The following STXBP4 variants were observed in gnomAD, a reference collection of about 807,000 sequenced individuals.
The protein encoded by STXBP4 is syntaxin-binding protein 4.
STXBP4 carries 55 observed loss-of-function variants against 76.1 expected under a neutral mutation model. The ratio of observed to expected loss-of-function variants is 0.72; its 90% CI spans 0.58 to 0.91. STXBP4 has a LOEUF of 0.91. Among genes scored for constraint, STXBP4 ranks in the 40% least tolerant of loss-of-function variants. The pLI is 0.00. For missense variants in STXBP4, 618 were observed against 636.9 expected, an observed-to-expected ratio of 0.97 and a Z score of 0.32; for synonymous variants, 201 against 220.2, an observed-to-expected ratio of 0.91 and a Z score of 0.77.
intron 1 of STXBP4, among the ~76,000 whole-genome samples, chr17:54,984,059 C>G (rs185555598): frequency 6.6e-6 from 1 of 152,064 alleles, no homozygotes; most frequent in Non-Finnish European, 1.5e-5. Context: ...TCCACTGTTC[C>G]TGTTGCTTGC....
rs761550214 is a variant in STXBP4, at chr17:55,000,791, C to G, written c.499-17C>G. On this transcript the variant is annotated splice_polypyrimidine_tract_variant and intron_variant, in intron 6 of 17. Coordinates refer to ENST00000376352, the MANE Select transcript of STXBP4 (RefSeq NM_178509.6). ...CTTTAGTAAATGACATTGCATGTTC[C>G]TCATTTTCTTTCACAGATAAAAACT... is the stretch of plus-strand genomic sequence containing the variant. 1.3e-6 allele frequency: 2 copies of G among 1,549,960 alleles called. No homozygotes were observed. Among genetic ancestry groups the G allele is most frequent in the East Asian group, 4.5e-5 (2 of 44,362 alleles).
At chr17:55,085,238 T>C (rs1748951463) in intron 16 of STXBP4, among the ~76,000 whole-genome samples, 2 of 151,852 alleles carry the variant, frequency 1.3e-5, no homozygotes, top group Admixed American at 1.3e-4. Context: ...GGGATGGCAG[T>C]GGGAGATATA....
At chr17:55,052,496 T>G (rs2078871023) in intron 12 of STXBP4, among the ~76,000 whole-genome samples, 1 of 152,178 alleles carries the variant, frequency 6.6e-6, no homozygotes, top group African/African-American at 2.4e-5. Flanking sequence ...GAGAAGCTGC[T>G]AGATTTGGAA....
At chr17:55,146,999 C>A (rs185520042) in intron 17 of STXBP4, among the ~76,000 whole-genome samples, 1 of 152,274 alleles carries the variant, frequency 6.6e-6, no homozygotes, top group East Asian at 1.9e-4. Flanking sequence ...GAGGCGCCTA[C>A]CTAAAAGTAT....
the STXBP4 span, among the ~76,000 whole-genome samples, chr17:55,191,717 G>A: frequency 2.0e-5 from 3 of 152,026 alleles, no homozygotes; most frequent in Non-Finnish European, 4.4e-5. Flanking sequence ...GGTGTTCTCC[G>A]ATACCAACAA....
At chr17:54,976,018 T>G (rs8078550) in intron 1 of STXBP4, among the ~76,000 whole-genome samples, 42,628 of 152,040 alleles carry the variant, frequency 0.28, 6,232 homozygotes, top group African/African-American at 0.35. Context: ...TTTATTGTTT[T>G]TCTCCCACCA....
chr17:55,141,499 T>A, intron 17 of STXBP4, 132 bp downstream of exon 17: 2 of 635,996 alleles, frequency 3.1e-6, no homozygotes, highest in Non-Finnish European at 5.1e-6. Flanking sequence ...AAATGAAGCC[T>A]CACCATTTTC....
intron 8 of STXBP4, among the ~76,000 whole-genome samples, chr17:55,026,724 C>G (rs1405281639): frequency 6.6e-6 from 1 of 152,174 alleles, no homozygotes; most frequent in Non-Finnish European, 1.5e-5. Flanking sequence ...TTCTATATTA[C>G]AGGGGACTTT....
At chr17:55,094,995 C>T (rs1176310741) in intron 16 of STXBP4, among the ~76,000 whole-genome samples, 2 of 152,068 alleles carry the variant, frequency 1.3e-5, no homozygotes, top group Non-Finnish European at 1.5e-5. Context: ...AATCACATAC[C>T]GATAGCATTA....
the STXBP4 span, among the ~76,000 whole-genome samples, chr17:55,179,596 A>G: frequency 3.3e-5 from 5 of 152,140 alleles, no homozygotes. Flanking sequence ...TCTGCTACCC[A>G]TGAGATAGCA....
chr17:55,154,854 C>A (rs1762922025), intron 17 of STXBP4, among the ~76,000 whole-genome samples: 1 of 151,674 alleles, frequency 6.6e-6, no homozygotes, highest in African/African-American at 2.4e-5. Flanking sequence ...ATAGCTCAGA[C>A]CTAAATATTT....
chr17:55,024,775 A>G (rs9916439), intron 8 of STXBP4, among the ~76,000 whole-genome samples: 7,606 of 152,168 alleles, frequency 0.05, 569 homozygotes, highest in African/African-American at 0.17. Flanking sequence ...GAGGAATACT[A>G]TATGGTAAGG....
intron 3 of STXBP4, among the ~76,000 whole-genome samples, chr17:54,987,705 A>G (rs2077646645): frequency 6.6e-6 from 1 of 152,200 alleles, no homozygotes; most frequent in Non-Finnish European, 1.5e-5. Flanking sequence ...TTTTTGCCAG[A>G]GTATCTTTGG....
intron 12 of STXBP4, among the ~76,000 whole-genome samples, chr17:55,055,336 A>T (rs1047582444): frequency 9.2e-5 from 14 of 152,134 alleles, no homozygotes; most frequent in African/African-American, 3.4e-4. Flanking sequence ...GTCTCCACGT[A>T]TAATCTGACC....
chr17:55,140,389 G>A (rs1909416349), intron 16 of STXBP4, among the ~76,000 whole-genome samples: 1 of 152,142 alleles, frequency 6.6e-6, no homozygotes. Flanking sequence ...GGAAGTCAAT[G>A]ATTTGTTGTT....
In STXBP4 at chr17:55,094,624, G is replaced by A. The variant is rs73323293; in HGVS notation, c.1489+13441G>A. Among the ~76,000 whole-genome samples, 1,266 of 152,176 alleles carry A rather than the reference G, an allele frequency of 8.3e-3. 16 individuals carry two copies. Among genetic ancestry groups the A allele is most frequent in the African/African-American group, 0.03 (1,227 of 41,528 alleles). ...TGTTTCAATGAGTAAAAAAAAGTCCGGTAGCACAGACAGATCTGCTGTCAT... is the reference window on the plus strand; with the variant it reads ...TGTTTCAATGAGTAAAAAAAAGTCCAGTAGCACAGACAGATCTGCTGTCAT... On this transcript the variant is annotated intron_variant, in intron 16 of 17. Transcript: ENST00000376352.
chr17:54,989,918 A>T (rs1401725078), intron 3 of STXBP4, among the ~76,000 whole-genome samples: 2 of 152,342 alleles, frequency 1.3e-5, no homozygotes, highest in East Asian at 3.8e-4. Context: ...TTGAGATTCA[A>T]ATGGAAGTCA....
intron 1 of STXBP4, among the ~76,000 whole-genome samples, chr17:54,976,105 C>T (rs925476454): frequency 6.6e-6 from 1 of 152,116 alleles, no homozygotes; most frequent in Non-Finnish European, 1.5e-5. Context: ...GTTGTACCTG[C>T]ACATAATTGT....
At chr17:55,033,511 A>T (rs368659745) in intron 9 of STXBP4, among the ~76,000 whole-genome samples, 1 of 152,246 alleles carries the variant, frequency 6.6e-6, no homozygotes, top group South Asian at 2.1e-4. Flanking sequence ...ATCAGAGAAT[A>T]TTTAAAAGAA....
Sources: gnomAD v4.1 joint callset for allele counts (sites outside exome capture counted in the v4.1 genomes callset) on GRCh38, gnomAD v4.1.1 for gene constraint, MANE v1.5 for transcripts, NCBI Gene and HGNC (gene_info 2026-07-23, HGNC 2026-07-21) for gene names.